The following UBXN2B variants were observed in gnomAD, a reference collection of about 807,000 sequenced individuals.
UBXN2B encodes the protein UBX domain protein 2B.
UBXN2B carries 19 observed loss-of-function variants against 37.5 expected under a neutral mutation model. The ratio of observed to expected loss-of-function variants is 0.51; its 90% CI spans 0.35 to 0.74. The LOEUF is 0.74. Ranked by LOEUF, UBXN2B falls within the 30% of genes least tolerant of loss-of-function variation. The pLI is 0.01. For synonymous variants in UBXN2B, 145 were observed against 143.8 expected (o/e 1.01, Z -0.06); for missense variants, 370 against 393.2 (o/e 0.94, Z 0.50).
intron 5 of UBXN2B, 119 bp from the exon 6 acceptor site, chr8:58,439,514 T>C: frequency 1.5e-6 from 2 of 1,313,428 alleles, no homozygotes; most frequent in Non-Finnish European, 2.0e-6. Context: ...TTTTGTGTTA[T>C]AATTTAAGCA....
chr8:58,441,351 A>ATATATATATATATATATGTGTGTG (rs1554553162), intron 6 of UBXN2B, among the ~76,000 whole-genome samples: 9 of 76,090 alleles, frequency 1.2e-4, no homozygotes, highest in Non-Finnish European at 2.4e-4. Flanking sequence ...TGATCAACAT[A>ATATATATATATATATATGTGTGTG]TATATATATA....
intron 1 of UBXN2B, among the ~76,000 whole-genome samples, chr8:58,414,770 A>G (rs1277778390): frequency 6.6e-6 from 1 of 152,118 alleles, no homozygotes; most frequent in Admixed American, 6.6e-5. Context: ...ATGTACCGTT[A>G]ATAACTAGGA....
chr8:58,435,243 A>G (rs148445732), intron 5 of UBXN2B: 31 of 727,600 alleles, frequency 4.3e-5, no homozygotes, highest in Non-Finnish European at 5.3e-5. Context: ...GTTATACTCC[A>G]TAAAGGAATA....
At chr8:58,440,772 G>A (rs1344483190) in intron 6 of UBXN2B, among the ~76,000 whole-genome samples, 1 of 152,026 alleles carries the variant, frequency 6.6e-6, no homozygotes, top group Non-Finnish European at 1.5e-5. Context: ...TATTTTTCAA[G>A]ATAGGAAAAA....
rs1362501086 is a variant in UBXN2B, at chr8:58,416,087, T to G, written c.85-763T>G. Among the ~76,000 whole-genome samples, 3 of 151,762 alleles carry G rather than the reference T, an allele frequency of 2.0e-5. No individual in the cohort carries two copies. In the East Asian group the frequency reaches 5.8e-4, roughly 29 times the overall value. The stretch of plus-strand genomic sequence containing the variant: ...AAAAACAAAAAAAAAAACCGGAGAT[T>G]ATGGTCATGCCAATTATAATTGAAT... On this transcript the variant is annotated intron_variant, in intron 1 of 7. Transcript: ENST00000399598.
chr8:58,420,046 G>A (rs1203567274), intron 2 of UBXN2B, among the ~76,000 whole-genome samples: 2 of 152,254 alleles, frequency 1.3e-5, no homozygotes, highest in South Asian at 2.1e-4. Flanking sequence ...AGTTGCCCCT[G>A]TGTAGAAGGC....
intron 6 of UBXN2B, among the ~76,000 whole-genome samples, chr8:58,443,439 A>G (rs756794820): frequency 6.6e-6 from 1 of 152,104 alleles, no homozygotes; most frequent in Non-Finnish European, 1.5e-5. Context: ...GATCAATTGA[A>G]TGATAGGGAG....
intron 2 of UBXN2B, among the ~76,000 whole-genome samples, chr8:58,420,601 G>C (rs1390663257): frequency 6.6e-6 from 1 of 152,046 alleles, no homozygotes; most frequent in African/African-American, 2.4e-5. Context: ...AGCTTAATCA[G>C]GGATCCTTTT....
chr8:58,413,212 A>G (rs765273690), intron 1 of UBXN2B: 6 of 152,064 alleles, frequency 3.9e-5, no homozygotes, highest in Non-Finnish European at 7.4e-5. Flanking sequence ...GTTGTAGGTT[A>G]GGGCAGTAGG....
intron 2 of UBXN2B, among the ~76,000 whole-genome samples, chr8:58,423,861 A>G (rs1808001034): frequency 6.6e-6 from 1 of 152,006 alleles, no homozygotes; most frequent in South Asian, 2.1e-4. Context: ...ACTCAAATGC[A>G]AAGAAAATAT....
At chr8:58,421,345 T>TG (rs1807918985) in intron 2 of UBXN2B, among the ~76,000 whole-genome samples, 1 of 151,904 alleles carries the variant, frequency 6.6e-6, no homozygotes. Flanking sequence ...CCTTTTAGTT[T>TG]TTTTTTTTTT....
At chr8:58,424,963 A>G (rs577278272) in intron 2 of UBXN2B, 18 of 803,272 alleles carry the variant, frequency 2.2e-5, no homozygotes, top group Non-Finnish European at 3.6e-5. Context: ...ATCAATCACA[A>G]CGTATGTCCC....
chr8:58,444,310 C>T (rs188323574), intron 6 of UBXN2B, among the ~76,000 whole-genome samples: 1 of 152,232 alleles, frequency 6.6e-6, no homozygotes, highest in East Asian at 1.9e-4. Flanking sequence ...TATATAAAAG[C>T]ACCATTTGAA....
chr8:58,428,268 G>A (rs560535415), intron 2 of UBXN2B, among the ~76,000 whole-genome samples: 6 of 152,148 alleles, frequency 3.9e-5, no homozygotes, highest in African/African-American at 7.2e-5. Flanking sequence ...GATTGAAACC[G>A]CTCAACTCTT....
intron 6 of UBXN2B, among the ~76,000 whole-genome samples, chr8:58,443,186 T>C (rs1585619675): frequency 6.6e-6 from 1 of 152,286 alleles, no homozygotes; most frequent in Middle Eastern, 3.4e-3. Flanking sequence ...TCCAGCTTCA[T>C]TGAGAAAATA....
Position 58,446,044 on chromosome 8 carries a change from T to G in UBXN2B, c.809T>G (p.Ile270Arg). The G allele has an allele frequency of 6.2e-7, 1 of 1,612,054 alleles. No individual in the cohort carries two copies. Among genetic ancestry groups the G allele is most frequent in the Non-Finnish European group, 8.5e-7 (1 of 1,179,474 alleles). ...QIRLADGSRLIQRFNSTHRIL... is the reference protein window; with the variant it reads ...QIRLADGSRLRQRFNSTHRIL... Reference sequence around the variant, plus strand: ...AGGTTAGCAGATGGGAGTCGTTTGATACAAAGATTCAATAGTACACACAGG... The same window carrying G: ...AGGTTAGCAGATGGGAGTCGTTTGAGACAAAGATTCAATAGTACACACAGG... The change falls in exon 7 of 8, where the codon ATA becomes AGA. Residue 270 changes from isoleucine to arginine, a missense_variant. Around this residue, in one of 3 missense-constraint regions of UBXN2B, gnomAD observed 83 missense variants for 83.5 expected, o/e 0.99. Coordinates refer to ENST00000399598, the MANE Select transcript of UBXN2B (RefSeq NM_001077619.2).
intron 6 of UBXN2B, among the ~76,000 whole-genome samples, chr8:58,442,596 G>T (rs7836166): frequency 6.6e-6 from 1 of 152,220 alleles, no homozygotes; most frequent in Non-Finnish European, 1.5e-5. Context: ...CCAAAATGCT[G>T]TAAAAATGTT....
At position 58,450,134 on chromosome 8, in the gene UBXN2B, G is replaced by C. The variant is rs58957091; in HGVS notation, c.*2583G>C. 28 of 152,280 alleles carry C rather than the reference G, an allele frequency of 1.8e-4. No individual in the cohort carries two copies. The highest frequency in any genetic ancestry group is 6.7e-4 in the African/African-American group (28 of 41,550). 9.4% of individuals were successfully genotyped at this position (152,280 alleles called of 1,614,324 possible). A position where few individuals can be genotyped will look rare whatever the true frequency, so the allele number is the denominator to read the frequency against. On this transcript the variant is annotated 3_prime_UTR_variant, in exon 8 of 8. Coordinates refer to ENST00000399598, the MANE Select transcript of UBXN2B (RefSeq NM_001077619.2). ...AGCCATATCTTCATCACTTTCTCTAGAGTAAAGGCTGTCCTGACGGTGAAT... is the reference window on the plus strand; with the variant it reads ...AGCCATATCTTCATCACTTTCTCTACAGTAAAGGCTGTCCTGACGGTGAAT...
rs1366436234 is a variant in UBXN2B at position 58,426,658 on chromosome 8, T to C, written c.189-3861T>C. ...TTTTCTGCCTCCACCCCAGTGATAT[T>C]TGGGTGAAACCATCTCTACAATGTC... On this transcript the variant is annotated intron_variant, in intron 2 of 7. Transcript: ENST00000399598. The C allele has an allele frequency of 4.1e-6, 3 of 738,730 alleles. No homozygotes were observed. In the African/African-American group the frequency reaches 5.2e-5, roughly 13 times the overall value. 45.8% of individuals were successfully genotyped at this position (738,730 alleles called of 1,614,324 possible).
Sources: allele counts gnomAD v4.1 joint callset (sites outside exome capture counted in the v4.1 genomes callset), GRCh38; gene constraint gnomAD v4.1.1; regional missense constraint gnomAD v4.1.1; transcripts MANE v1.5; gene names NCBI Gene and HGNC (gene_info 2026-07-23, HGNC 2026-07-21).